C4orf50: variants seen among roughly 807,000 people sequenced by gnomAD.
The protein encoded by C4orf50 is chromosome 4 open reading frame 50.
In C4orf50, 80 loss-of-function variants were observed where a neutral mutation model predicts 77.2. The ratio of observed to expected loss-of-function variants is 1.04; its 90% CI spans 0.87 to 1.25. The LOEUF (loss-of-function observed/expected upper bound fraction) is 1.25. Among genes scored for constraint, C4orf50 ranks in the 50% most tolerant of loss-of-function variants. The pLI is 0.00. For synonymous variants in C4orf50, 532 were observed against 465.3 expected (o/e 1.14, Z -1.84); for missense variants, 1,257 against 1,152.9 (o/e 1.09, Z -1.31).
intron 7 of C4orf50, among the ~76,000 whole-genome samples, chr4:5,920,975 C>T (rs929984064): frequency 7.0e-6 from 1 of 142,216 alleles, no homozygotes; most frequent in African/African-American, 2.5e-5. Context: ...GTGGCAGGAG[C>T]AGTGGACAGT....
chr4:5,976,171 C>G (rs111509598), intron 29 of C4orf50, among the ~76,000 whole-genome samples: 2 of 151,978 alleles, frequency 1.3e-5, no homozygotes, highest in Admixed American at 6.6e-5. Context: ...CTTGGCCGGG[C>G]GCAGTGACCC....
At chr4:5,913,813 A>G (rs1164055587) in intron 7 of C4orf50, among the ~76,000 whole-genome samples, 5 of 152,230 alleles carry the variant, frequency 3.3e-5, no homozygotes, top group African/African-American at 1.2e-4. Context: ...TTTAACTTTT[A>G]GCACAAGTTT....
rs1364489839 is a variant in C4orf50, at chr4:5,932,183, G to A, written c.*2474+24718C>T. Among the ~76,000 whole-genome samples the A allele has an allele frequency of 6.6e-6, 1 of 152,016 alleles. No individual in the cohort carries two copies. Among genetic ancestry groups the A allele is most frequent in the Non-Finnish European group, 1.5e-5 (1 of 68,014 alleles). ...AACCCACTGGCTGGCTATCTTCACA[G>A]GCAGGTGAACCATGCACACAGTTCT... On this transcript the variant is annotated intron_variant, in intron 7 of 7. Coordinates refer to the C4orf50 transcript ENST00000324058. The surrounding 1 kb of genome is among the most constrained non-coding windows in gnomAD (Gnocchi z 4.2).
intron 7 of C4orf50, among the ~76,000 whole-genome samples, chr4:5,927,519 G>C (rs1231692727): frequency 2.6e-5 from 4 of 151,920 alleles, no homozygotes; most frequent in Admixed American, 2.6e-4. Flanking sequence ...GGACCTAGTA[G>C]GAGGTGATTA....
chr4:5,902,840 G>C (rs909916805), intron 7 of C4orf50: 1 of 152,166 alleles, frequency 6.6e-6, no homozygotes, highest in Non-Finnish European at 1.5e-5. Context: ...AGGAAATTTA[G>C]GTTCAGAAAG....
At position 5,935,148 on chromosome 4, in the gene C4orf50, T is replaced by A. The variant is rs11945109; in HGVS notation, c.*2474+21753A>T. 1.6e-4 allele frequency among the ~76,000 whole-genome samples: 24 copies of A among 152,176 alleles called. No homozygotes were observed. The South Asian group carries it at 4.6e-3, about 29-fold the overall frequency. On this transcript the variant is annotated intron_variant, in intron 7 of 7. Transcript: ENST00000324058. ...ATTTTTTCTTCTACAGGAGGAGCAG[T>A]TCTCACAGGTCAGTAAAGGAAAACC...
chr4:5,958,539 A>T lies in C4orf50; in HGVS notation c.*836T>A, dbSNP rs897251815. Reference sequence around the variant, plus strand: ...CCAAGTAGAACGGACCCTTACCTTCATCCCGTTGCTCAGGGCACATGTGAC... The same window carrying T: ...CCAAGTAGAACGGACCCTTACCTTCTTCCCGTTGCTCAGGGCACATGTGAC... On this transcript the variant is annotated 3_prime_UTR_variant, in exon 34 of 34. Transcript: ENST00000531445. This position sits in a 1 kb window ranked among gnomAD's most constrained non-coding sequence, Gnocchi z 5.4. The T allele has an allele frequency of 6.6e-6, 1 of 151,930 alleles. No individual in the cohort carries two copies. The highest frequency in any genetic ancestry group is 2.4e-5 in the African/African-American group (1 of 41,342). 9.4% of individuals were successfully genotyped at this position (151,930 alleles called of 1,614,324 possible).
intron 31 of C4orf50, among the ~76,000 whole-genome samples, chr4:5,972,109 A>T (rs1719963267): frequency 1.3e-5 from 2 of 150,518 alleles, no homozygotes; most frequent in Non-Finnish European, 2.9e-5. Context: ...GGTTCAAGAG[A>T]TTCTCCTGCC....
intron 25 of C4orf50, among the ~76,000 whole-genome samples, chr4:6,004,369 G>C (rs1340043031): frequency 8.3e-6 from 1 of 120,816 alleles, no homozygotes; most frequent in African/African-American, 3.0e-5. Context: ...GGTGATGATG[G>C]TGATGGTGAT....
At chr4:5,987,040 G>T (rs1410391296) in intron 28 of C4orf50, among the ~76,000 whole-genome samples, 1 of 152,104 alleles carries the variant, frequency 6.6e-6, no homozygotes, top group Non-Finnish European at 1.5e-5. Context: ...AAGAACAGCT[G>T]AAAATCAATG....
chr4:5,979,957 A>G (rs554496238), intron 29 of C4orf50, among the ~76,000 whole-genome samples: 2 of 151,766 alleles, frequency 1.3e-5, no homozygotes, highest in Non-Finnish European at 2.9e-5. Context: ...AAGAAACCAC[A>G]TATGTGCATT....
chr4:5,971,295 C>T (rs1193404925), intron 31 of C4orf50, among the ~76,000 whole-genome samples: 1 of 152,212 alleles, frequency 6.6e-6, no homozygotes, highest in Non-Finnish European at 1.5e-5. Flanking sequence ...CGCTTCCTGC[C>T]TGGCTACCAG....
At position 6,018,126 on chromosome 4, in the gene C4orf50, A is replaced by G. The variant is rs1023624857; in HGVS notation, c.287+19T>C. ...CGGTTTGTGAAATACACACAGAGAGATCAAAATGGCATCGCTACCTGCTTC... is the reference window on the plus strand; with the variant it reads ...CGGTTTGTGAAATACACACAGAGAGGTCAAAATGGCATCGCTACCTGCTTC... On this transcript the variant is annotated intron_variant, in intron 23 of 33. Transcript: ENST00000531445. This position sits in a 1 kb window ranked among gnomAD's most constrained non-coding sequence, Gnocchi z 5.1. 2.5e-5 allele frequency: 10 copies of G among 398,460 alleles called. No individual in the cohort carries two copies. The highest frequency in any genetic ancestry group is 3.5e-5 in the Non-Finnish European group (8 of 226,060). The allele number at this position is 398,460 out of a possible 1,614,324, so 24.7% of individuals were successfully genotyped here.
At chr4:5,987,138 C>T (rs1175864385) in intron 28 of C4orf50, among the ~76,000 whole-genome samples, 2 of 152,016 alleles carry the variant, frequency 1.3e-5, no homozygotes, top group East Asian at 2.0e-4. Context: ...AGGCCTCGTA[C>T]GGTGGCGCAT....
intron 7 of C4orf50, among the ~76,000 whole-genome samples, chr4:5,917,088 G>A (rs888241126): frequency 3.3e-5 from 5 of 152,114 alleles, no homozygotes; most frequent in African/African-American, 1.2e-4. Context: ...GCTACCAGAG[G>A]CCCCCACATT....
intron 7 of C4orf50, among the ~76,000 whole-genome samples, chr4:5,922,893 C>T (rs1471584990): frequency 2.6e-5 from 4 of 152,202 alleles, no homozygotes; most frequent in African/African-American, 9.6e-5. Context: ...TCTGAGAGAC[C>T]TTTGAAAGGC....
chr4:5,897,948 C>A (rs962737957), exon 8 of C4orf50: 1 of 152,214 alleles, frequency 6.6e-6, no homozygotes, highest in Admixed American at 6.5e-5. Flanking sequence ...GCAGCTCACT[C>A]CGGGGAGGGG....
intron 33 of C4orf50, among the ~76,000 whole-genome samples, chr4:5,962,471 G>A (rs541088667): frequency 1.1e-4 from 16 of 152,302 alleles, no homozygotes; most frequent in African/African-American, 3.9e-4. Flanking sequence ...TTTGCTACAG[G>A]TTTCTGGCCA....
rs1286625031 is a variant in C4orf50, at chr4:6,017,263, T to A, written c.287+882A>T. On this transcript the variant is annotated intron_variant, in intron 23 of 33. Transcript: ENST00000531445. This position sits in a 1 kb window ranked among gnomAD's most constrained non-coding sequence, Gnocchi z 4.7. ...AACTGCCGGAAGCCACTTCTGCCCC[T>A]GGGGCTGGACAGCCACACAGGGAAG... 6.6e-6 allele frequency among the ~76,000 whole-genome samples: 1 copy of A among 152,188 alleles called. No individual in the cohort carries two copies. Among genetic ancestry groups the A allele is most frequent in the East Asian group, 1.9e-4 (1 of 5,188 alleles).
Sources: gnomAD v4.1 joint callset for allele counts (sites outside exome capture counted in the v4.1 genomes callset) on GRCh38, gnomAD v4.1.1 for gene constraint, Gnocchi (gnomAD v3.1) non-coding constraint, MANE v1.5 for transcripts, NCBI Gene and HGNC (gene_info 2026-07-23, HGNC 2026-07-21) for gene names.